The following ADAMTS17 variants were observed in gnomAD, a reference collection of about 807,000 sequenced individuals.
ADAMTS17 encodes the protein ADAM metallopeptidase with thrombospondin type 1 motif 17, also known as A disintegrin and metalloproteinase with thrombospondin motifs 17.
ADAMTS17 carries 113 observed loss-of-function variants against 141.5 expected under a neutral mutation model. That is an observed-to-expected ratio of 0.80 (90% CI 0.69 to 0.93). ADAMTS17 has a LOEUF of 0.93. Among genes scored for constraint, ADAMTS17 ranks in the 40% least tolerant of loss-of-function variants. The pLI, the probability that ADAMTS17 is intolerant of heterozygous loss-of-function variation, is 0.00. For synonymous variants in ADAMTS17, 768 were observed against 630.6 expected (o/e 1.22, Z -3.27); for missense variants, 1,659 against 1,517.9 (o/e 1.09, Z -1.54).
intron 18 of ADAMTS17, among the ~76,000 whole-genome samples, chr15:100,017,775 G>T (rs2061320416): frequency 6.6e-6 from 1 of 152,142 alleles, no homozygotes; most frequent in African/African-American, 2.4e-5. Context: ...GTCCTCTTGG[G>T]GTTGCTGGCT....
At chr15:100,087,392 C>T (rs547526592) in intron 15 of ADAMTS17, among the ~76,000 whole-genome samples, 3 of 152,248 alleles carry the variant, frequency 2.0e-5, no homozygotes, top group East Asian at 3.9e-4. Context: ...GATTCACAGC[C>T]GAATTCTACC....
At chr15:100,155,091 C>T in intron 9 of ADAMTS17, 89 bp downstream of exon 9, 3 of 1,592,978 alleles carry the variant, frequency 1.9e-6, no homozygotes, top group Admixed American at 3.4e-5. Flanking sequence ...AGTCATTTCT[C>T]CACTTCACAC....
intron 8 of ADAMTS17, among the ~76,000 whole-genome samples, chr15:100,163,864 TTGTC>T (rs1474891268): frequency 6.6e-5 from 10 of 152,220 alleles, no homozygotes; most frequent in African/African-American, 1.4e-4. Context: ...CACTACCACT[TTGTC>T]TGAGCATTTC....
At chr15:100,160,647 C>T (rs1188074661) in intron 8 of ADAMTS17, among the ~76,000 whole-genome samples, 1 of 152,224 alleles carries the variant, frequency 6.6e-6, no homozygotes, top group African/African-American at 2.4e-5. Context: ...AGGGATGTGG[C>T]CAACCGAAGC....
intron 17 of ADAMTS17, 148 bp downstream of exon 17, chr15:100,051,424 T>C: frequency 8.4e-7 from 1 of 1,192,244 alleles, no homozygotes; most frequent in Admixed American, 1.7e-5. Flanking sequence ...CCAAGTATTC[T>C]GCAGAGAGAT....
chr15:100,106,877 G>A (rs1211456555), intron 14 of ADAMTS17, among the ~76,000 whole-genome samples: 1 of 152,174 alleles, frequency 6.6e-6, no homozygotes, highest in Non-Finnish European at 1.5e-5. Context: ...CTGCCCGACG[G>A]GCAGGGCCTT....
chr15:100,290,117 T>A (rs1323719060), intron 3 of ADAMTS17, among the ~76,000 whole-genome samples: 2 of 152,084 alleles, frequency 1.3e-5, no homozygotes, highest in East Asian at 3.9e-4. Flanking sequence ...AGAAATCCCA[T>A]AATCTCTACC....
chr15:100,086,786 A>C (rs1008993872), intron 15 of ADAMTS17, among the ~76,000 whole-genome samples: 1 of 149,400 alleles, frequency 6.7e-6, no homozygotes, highest in Non-Finnish European at 1.5e-5. Context: ...AGGTTCTTTG[A>C]AACCAATGAG....
At chr15:100,296,265 T>C (rs2044807217) in intron 3 of ADAMTS17, among the ~76,000 whole-genome samples, 1 of 152,020 alleles carries the variant, frequency 6.6e-6, no homozygotes, top group Non-Finnish European at 1.5e-5. Flanking sequence ...GTGACCACTT[T>C]TTTTTTTTAA....
At chr15:100,283,500 C>T (rs976392926) in intron 3 of ADAMTS17, among the ~76,000 whole-genome samples, 1 of 152,200 alleles carries the variant, frequency 6.6e-6, no homozygotes, top group African/African-American at 2.4e-5. Flanking sequence ...ACCAGCACAC[C>T]CTCGTTCTCC....
chr15:100,181,225 G>A (rs1052622259), intron 8 of ADAMTS17, among the ~76,000 whole-genome samples: 2 of 152,154 alleles, frequency 1.3e-5, no homozygotes. Context: ...CTCCCCTCTG[G>A]CCCAGAACAG....
intron 3 of ADAMTS17, among the ~76,000 whole-genome samples, chr15:100,305,188 G>GA (rs142039803): frequency 0.021 from 3,031 of 146,690 alleles, 109 homozygotes; most frequent in African/African-American, 0.069. Flanking sequence ...GTCAACTATA[G>GA]AAAAAAAAAA....
At chr15:100,226,569 T>C (rs753506029) in intron 7 of ADAMTS17, among the ~76,000 whole-genome samples, 7 of 152,210 alleles carry the variant, frequency 4.6e-5, no homozygotes, top group South Asian at 4.1e-4. Flanking sequence ...CGAGTGGAAA[T>C]GGGATTCTGG....
intron 3 of ADAMTS17, among the ~76,000 whole-genome samples, chr15:100,289,785 T>C (rs1477305749): frequency 6.6e-6 from 1 of 152,196 alleles, no homozygotes; most frequent in Non-Finnish European, 1.5e-5. Flanking sequence ...TCTCAATAGA[T>C]GCAGAAAAAG....
chr15:100,169,758 G>A (rs561273498), intron 8 of ADAMTS17, among the ~76,000 whole-genome samples: 3 of 152,326 alleles, frequency 2.0e-5, no homozygotes, highest in East Asian at 1.9e-4. Flanking sequence ...TCCCTCTTGG[G>A]GTTAGAGGTG....
intron 3 of ADAMTS17, among the ~76,000 whole-genome samples, chr15:100,326,684 C>T (rs77362734): frequency 1.6e-3 from 244 of 152,302 alleles, no homozygotes; most frequent in African/African-American, 5.0e-3. Context: ...CTGGCACCTA[C>T]GCTCTTTATG....
At chr15:100,132,281 C>T in intron 11 of ADAMTS17, 129 bp from the exon 12 acceptor site, 1 of 1,307,350 alleles carries the variant, frequency 7.6e-7, no homozygotes, top group African/African-American at 1.5e-5. Flanking sequence ...CAGTCTATTT[C>T]AGGGTTTGCA....
chr15:100,127,373 G>A (rs1276062557), intron 12 of ADAMTS17, among the ~76,000 whole-genome samples: 1 of 152,106 alleles, frequency 6.6e-6, no homozygotes, highest in East Asian at 1.9e-4. Context: ...CAGAGATGGA[G>A]GTGATGCACC....
At chr15:100,118,473 CT>C (rs1001496555) in intron 12 of ADAMTS17, among the ~76,000 whole-genome samples, 1 of 152,206 alleles carries the variant, frequency 6.6e-6, no homozygotes, top group African/African-American at 2.4e-5. Context: ...ATAGTGGGGC[CT>C]TGAGCTCTGC....
Sources: gnomAD v4.1 joint callset for allele counts (sites outside exome capture counted in the v4.1 genomes callset) on GRCh38, gnomAD v4.1.1 for gene constraint, MANE v1.5 for transcripts, NCBI Gene and HGNC (gene_info 2026-07-23, HGNC 2026-07-21) for gene names.